SPOCK3: variants seen among roughly 807,000 people sequenced by gnomAD.
The protein encoded by SPOCK3 is SPARC (osteonectin), cwcv and kazal like domains proteoglycan 3.
In SPOCK3, 30 loss-of-function variants were observed where a neutral mutation model predicts 56.6. The ratio of observed to expected loss-of-function variants is 0.53; its 90% CI spans 0.40 to 0.72. The LOEUF is 0.72. SPOCK3 is among the 30% of genes least tolerant of loss of function. SPOCK3 has a pLI of 0.00. For synonymous variants in SPOCK3, 196 were observed against 183.3 expected (o/e 1.07, Z -0.56); for missense variants, 527 against 530.0 (o/e 0.99, Z 0.06).
rs370240211 is a variant in SPOCK3 at position 167,153,155 on chromosome 4, AC to A, written c.189+80829del. Among the ~76,000 whole-genome samples, 1,484 of 152,324 alleles carry A rather than the reference AC, an allele frequency of 9.7e-3. 15 individuals are homozygous for A. The highest frequency in any genetic ancestry group is 0.013 in the Non-Finnish European group (913 of 68,032). The stretch of plus-strand genomic sequence containing the variant: ...GTGAGATAACTTGCCTAAGGTTACC[AC>A]CACATATGGTTAGTATGTGTGATTG... On this transcript the variant is annotated intron_variant, in intron 2 of 10. Coordinates refer to ENST00000357545, the MANE Select transcript of SPOCK3 (RefSeq NM_001040159.2).
intron 6 of SPOCK3, among the ~76,000 whole-genome samples, chr4:166,840,647 G>GT (rs1747138715): frequency 1.3e-5 from 2 of 151,714 alleles, no homozygotes; most frequent in African/African-American, 4.8e-5. Flanking sequence ...TCCCTAGCTA[G>GT]TTGTCCACCT....
intron 3 of SPOCK3, among the ~76,000 whole-genome samples, chr4:167,058,200 A>T (rs1283946968): frequency 6.6e-6 from 1 of 152,154 alleles, no homozygotes; most frequent in African/African-American, 2.4e-5. Flanking sequence ...GGAAAAGAGG[A>T]AGTCAAATTG....
intron 3 of SPOCK3, among the ~76,000 whole-genome samples, chr4:167,056,640 C>T (rs1391190582): frequency 6.6e-6 from 1 of 152,102 alleles, no homozygotes; most frequent in South Asian, 2.1e-4. Context: ...GTGAAGAATG[C>T]AGAAGCCTCA....
intron 6 of SPOCK3, among the ~76,000 whole-genome samples, chr4:166,885,641 C>T (rs1050548338): frequency 6.7e-6 from 1 of 150,034 alleles, no homozygotes; most frequent in African/African-American, 2.5e-5. Flanking sequence ...AGGTTATTTT[C>T]CTTCTCTATT....
chr4:166,735,967 C>T (rs986039325), intron 10 of SPOCK3, among the ~76,000 whole-genome samples: 2 of 152,092 alleles, frequency 1.3e-5, no homozygotes, highest in Non-Finnish European at 2.9e-5. Flanking sequence ...CAATAATGCA[C>T]ATACATCTTA....
In SPOCK3 at chr4:166,737,672, G is replaced by A; in HGVS notation, c.995-68C>T. 5 of 1,499,354 alleles carry A rather than the reference G, an allele frequency of 3.3e-6. No homozygotes were observed. In the Admixed American group the frequency reaches 7.9e-5, roughly 24 times the overall value. The allele number at this position is 1,499,354 out of a possible 1,614,324, so 92.9% of individuals were successfully genotyped here. On this transcript the variant is annotated intron_variant, in intron 9 of 10. Coordinates refer to ENST00000357545, the MANE Select transcript of SPOCK3 (RefSeq NM_001040159.2). ...TTATGAATAAGCTGTGCTCCTTTCTGAGAAGCACCCATTATGCATTAATGC... is the reference window on the plus strand; with the variant it reads ...TTATGAATAAGCTGTGCTCCTTTCTAAGAAGCACCCATTATGCATTAATGC...
chr4:166,957,980 A>G (rs1425818045), intron 4 of SPOCK3, among the ~76,000 whole-genome samples: 1 of 152,172 alleles, frequency 6.6e-6, no homozygotes, highest in African/African-American at 2.4e-5. Context: ...GTATTTAGAA[A>G]TGTGAGAAGG....
chr4:167,044,107 C>T (rs1753496009), intron 3 of SPOCK3, among the ~76,000 whole-genome samples: 2 of 151,938 alleles, frequency 1.3e-5, no homozygotes, highest in South Asian at 2.1e-4. Flanking sequence ...TAATTTTTGA[C>T]TCAACATCTT....
intron 6 of SPOCK3, among the ~76,000 whole-genome samples, chr4:166,834,834 T>C (rs1015318900): frequency 3.9e-5 from 6 of 152,128 alleles, no homozygotes; most frequent in Non-Finnish European, 8.8e-5. Context: ...TTTATCTCTC[T>C]TTTAATTAGA....
At chr4:166,837,086 A>T (rs951642457) in intron 6 of SPOCK3, among the ~76,000 whole-genome samples, 3 of 152,226 alleles carry the variant, frequency 2.0e-5, no homozygotes, top group South Asian at 2.1e-4. Flanking sequence ...ATCTTTAATA[A>T]GTGCCCAGAG....
intron 4 of SPOCK3, among the ~76,000 whole-genome samples, chr4:166,935,276 C>T (rs1260466438): frequency 6.6e-6 from 1 of 152,078 alleles, no homozygotes; most frequent in Admixed American, 6.6e-5. Context: ...TCTCCCTCAG[C>T]AAAGGGCAGG....
At chr4:167,093,707 G>A (rs1758908898) in intron 2 of SPOCK3, among the ~76,000 whole-genome samples, 1 of 152,106 alleles carries the variant, frequency 6.6e-6, no homozygotes, top group African/African-American at 2.4e-5. Flanking sequence ...TAGGCATTTG[G>A]GTTGGTTCCA....
At chr4:167,110,856 C>A (rs1724750647) in intron 2 of SPOCK3, among the ~76,000 whole-genome samples, 1 of 151,936 alleles carries the variant, frequency 6.6e-6, no homozygotes, top group South Asian at 2.1e-4. Flanking sequence ...ATGAGTGTGT[C>A]AGTGCTAACA....
intron 4 of SPOCK3, among the ~76,000 whole-genome samples, chr4:166,985,640 GATA>G (rs1747074874): frequency 6.6e-6 from 1 of 152,048 alleles, no homozygotes; most frequent in South Asian, 2.1e-4. Context: ...ACTATAAAAT[GATA>G]ATAATGAACC....
At chr4:167,166,368 A>AT (rs201483924) in intron 2 of SPOCK3, among the ~76,000 whole-genome samples, 18 of 151,348 alleles carry the variant, frequency 1.2e-4, no homozygotes, top group South Asian at 2.1e-4. Context: ...GGCTACATAC[A>AT]TTTTTTTTTC....
chr4:167,150,300 G>T (rs943809616), intron 2 of SPOCK3, among the ~76,000 whole-genome samples: 15 of 150,812 alleles, frequency 9.9e-5, no homozygotes, highest in Admixed American at 8.6e-4. Flanking sequence ...ACTACTGATG[G>T]TTTTTTTTTA....
intron 4 of SPOCK3, among the ~76,000 whole-genome samples, chr4:166,916,375 C>T (rs1284397049): frequency 6.6e-6 from 1 of 152,054 alleles, no homozygotes; most frequent in East Asian, 1.9e-4. Context: ...TTCTTACCAC[C>T]TGAACTATTA....
At chr4:167,127,265 C>T (rs944107506) in intron 2 of SPOCK3, among the ~76,000 whole-genome samples, 1 of 151,814 alleles carries the variant, frequency 6.6e-6, no homozygotes, top group Non-Finnish European at 1.5e-5. Flanking sequence ...TACAGGATAC[C>T]AAAAACACAC....
At chr4:166,878,168 A>G in intron 6 of SPOCK3, among the ~76,000 whole-genome samples, 1 of 152,162 alleles carries the variant, frequency 6.6e-6, no homozygotes, top group Non-Finnish European at 1.5e-5. Flanking sequence ...AATCCCAGCT[A>G]TTCAGGAGGC....
Sources: allele counts gnomAD v4.1 joint callset (sites outside exome capture counted in the v4.1 genomes callset), GRCh38; gene constraint gnomAD v4.1.1; transcripts MANE v1.5; gene names NCBI Gene and HGNC (gene_info 2026-07-23, HGNC 2026-07-21).